Variants in FAM151B observed in about 807,000 individuals in gnomAD.
FAM151B encodes protein FAM151B.
In FAM151B, 24 loss-of-function variants were observed where a neutral mutation model predicts 31.2. The ratio of observed to expected loss-of-function variants is 0.77; its 90% CI spans 0.56 to 1.08. The LOEUF is 1.08. Ranked by LOEUF, FAM151B falls within the 50% of genes least tolerant of loss-of-function variation. The pLI is 0.00. For missense variants in FAM151B, 293 were observed against 328.6 expected (o/e 0.89, Z 0.84); for synonymous variants, 105 against 111.4 (o/e 0.94, Z 0.36).
At chr5:80,498,801 T>C (rs1386237939) in intron 1 of FAM151B, 9 of 495,616 alleles carry the variant, frequency 1.8e-5, no homozygotes, top group Middle Eastern at 6.9e-4. Context: ...AAGAGTAGAC[T>C]CCTTTTGAAT....
intron 3 of FAM151B, among the ~76,000 whole-genome samples, chr5:80,514,476 AAATAAT>A (rs139355800): frequency 0.058 from 8,096 of 139,216 alleles, 347 homozygotes; most frequent in African/African-American, 0.12. Context: ...ACTCCCTCTC[AAATAAT>A]AATAATAATA....
At chr5:80,490,936 G>A (rs1743310975) in intron 1 of FAM151B, among the ~76,000 whole-genome samples, 1 of 152,180 alleles carries the variant, frequency 6.6e-6, no homozygotes, top group East Asian at 1.9e-4. Flanking sequence ...AATTCTGGTA[G>A]TCACTTTTGG....
At position 80,519,782 on chromosome 5, in the gene FAM151B, C is replaced by G; in HGVS notation, c.407C>G (p.Pro136Arg). The stretch of plus-strand genomic sequence containing the variant: ...GTATGGATTAATGCCGATATTCTTC[C>G]TGGTCCAAATGGAAATAGCAAAGTA... ...RPVWINADIL[P>R]GPNGNSKVID... The change falls in exon 4 of 6, where the codon CCT becomes CGT. Residue 136 changes from proline to arginine, a missense_variant. Physicochemically the swap from Pro to Arg is moderately radical, Grantham distance 103. Transcript: ENST00000282226. 6.2e-7 allele frequency: 1 copy of G among 1,614,156 alleles called. No homozygotes were observed. The highest frequency in any genetic ancestry group is 1.1e-5 in the South Asian group (1 of 91,090).
chr5:80,518,554 C>T (rs905564290), intron 3 of FAM151B, among the ~76,000 whole-genome samples: 4 of 152,128 alleles, frequency 2.6e-5, no homozygotes, highest in Non-Finnish European at 5.9e-5. Context: ...CAGAGTCCAG[C>T]ATTAAGGTTT....
chr5:80,500,887 A>G, intron 1 of FAM151B: 1 of 821,732 alleles, frequency 1.2e-6, no homozygotes, highest in Non-Finnish European at 2.1e-6. Flanking sequence ...CATCCTCTGC[A>G]TGGAGGATCT....
chr5:80,498,753 C>T, intron 1 of FAM151B: 1 of 555,144 alleles, frequency 1.8e-6, no homozygotes, highest in Non-Finnish European at 3.5e-6. Context: ...AGACTTCTTC[C>T]TTTTCTTAGC....
At chr5:80,527,519 A>G (rs1745025157) in intron 5 of FAM151B, among the ~76,000 whole-genome samples, 1 of 152,210 alleles carries the variant, frequency 6.6e-6, no homozygotes, top group African/African-American at 2.4e-5. Context: ...CACCTAGGCT[A>G]TACAATGTAA....
At chr5:80,514,746 A>G (rs964169358) in intron 3 of FAM151B, among the ~76,000 whole-genome samples, 2 of 152,050 alleles carry the variant, frequency 1.3e-5, no homozygotes, top group African/African-American at 2.4e-5. Context: ...TAATATTTTT[A>G]AATAGAATTA....
chr5:80,508,726 A>G (rs1427698392), intron 2 of FAM151B, among the ~76,000 whole-genome samples: 1 of 152,162 alleles, frequency 6.6e-6, no homozygotes, highest in East Asian at 1.9e-4. Flanking sequence ...ATTAAATTTA[A>G]TCAGAAGCCA....
chr5:80,529,450 C>G (rs1412531026), intron 5 of FAM151B, among the ~76,000 whole-genome samples: 3 of 152,096 alleles, frequency 2.0e-5, no homozygotes, highest in African/African-American at 7.2e-5. Context: ...AATCCAGGAG[C>G]TGGTTTTTTG....
intron 5 of FAM151B, among the ~76,000 whole-genome samples, chr5:80,538,500 T>TTCCTTCC (rs1491345518): frequency 1.1e-4 from 13 of 121,128 alleles, no homozygotes; most frequent in Admixed American, 2.6e-4. Context: ...CCTTCCTTCC[T>TTCCTTCC]TTCTTTTCTT....
chr5:80,520,136 C>A (rs904561316), intron 4 of FAM151B, among the ~76,000 whole-genome samples: 5 of 152,126 alleles, frequency 3.3e-5, no homozygotes, highest in Non-Finnish European at 5.9e-5. Flanking sequence ...CATTTATAGT[C>A]ATATAAGTAA....
intron 5 of FAM151B, among the ~76,000 whole-genome samples, chr5:80,526,330 A>G (rs1441454377): frequency 6.6e-6 from 1 of 152,026 alleles, no homozygotes; most frequent in Non-Finnish European, 1.5e-5. Flanking sequence ...TTTCAGGGCC[A>G]GGCACAGTGT....
chr5:80,538,073 ATT>A lies in FAM151B; in HGVS notation c.672-3588_672-3587del, dbSNP rs56023066. Among the ~76,000 whole-genome samples the A allele has an allele frequency of 3.1e-3, 438 of 141,412 alleles. 3 individuals carry two copies. The highest frequency in any genetic ancestry group is 3.4e-3 in the Non-Finnish European group (223 of 64,658). 92.8% of individuals were successfully genotyped at this position (141,412 alleles called of 152,430 possible). A position where few individuals can be genotyped will look rare whatever the true frequency, so the allele number is the denominator to read the frequency against. ...TTTTACTTTTATTTTTATTTTATTA[ATT>A]TTTTTTTTTTTGAGGCAGAGTCTCA... On this transcript the variant is annotated intron_variant, in intron 5 of 5. Coordinates refer to ENST00000282226, the MANE Select transcript of FAM151B (RefSeq NM_205548.3).
intron 5 of FAM151B, among the ~76,000 whole-genome samples, chr5:80,540,393 A>G (rs1745824928): frequency 6.6e-6 from 1 of 152,174 alleles, no homozygotes; most frequent in African/African-American, 2.4e-5. Context: ...GATAAAATTT[A>G]TATTTATGTT....
intron 5 of FAM151B, among the ~76,000 whole-genome samples, chr5:80,529,716 T>C (rs59548552): frequency 0.1 from 15,713 of 152,042 alleles, 1,281 homozygotes; most frequent in African/African-American, 0.23. Context: ...AATAGACCAA[T>C]AACAGGCTCT....
At chr5:80,504,741 A>G (rs1743888150) in intron 2 of FAM151B, among the ~76,000 whole-genome samples, 1 of 151,994 alleles carries the variant, frequency 6.6e-6, no homozygotes, top group African/African-American at 2.4e-5. Context: ...GATGGTCTCC[A>G]TCTCCTGATC....
intron 5 of FAM151B, among the ~76,000 whole-genome samples, chr5:80,526,749 C>A (rs1017293341): frequency 1.4e-4 from 21 of 152,134 alleles, no homozygotes; most frequent in African/African-American, 4.8e-4. Flanking sequence ...ATGGTTAATA[C>A]CTCTAGAATA....
At chr5:80,540,054 A>T (rs1232687869) in intron 5 of FAM151B, among the ~76,000 whole-genome samples, 1 of 152,138 alleles carries the variant, frequency 6.6e-6, no homozygotes, top group Non-Finnish European at 1.5e-5. Context: ...GCAGCCTCCC[A>T]GTCAGGAAGT....
Sources: allele counts gnomAD v4.1 joint callset (sites outside exome capture counted in the v4.1 genomes callset), GRCh38; gene constraint gnomAD v4.1.1; transcripts MANE v1.5; gene names NCBI Gene and HGNC (gene_info 2026-07-23, HGNC 2026-07-21).